The following AP3S2 variants were observed in gnomAD, a reference collection of about 807,000 sequenced individuals.
AP3S2 encodes the protein AP-3 complex subunit sigma-2.
AP3S2 carries 22 observed loss-of-function variants against 23.4 expected under a neutral mutation model. That is an observed-to-expected ratio of 0.94 (90% CI 0.67 to 1.34). The LOEUF (loss-of-function observed/expected upper bound fraction) is 1.34, where lower values mean the gene tolerates loss of function less well. Ranked by LOEUF, AP3S2 falls within the 40% of genes most tolerant of loss-of-function variation. The pLI is 0.00. For synonymous variants in AP3S2, 86 were observed against 87.1 expected, an observed-to-expected ratio of 0.99 and a Z score of 0.07; for missense variants, 241 against 236.9, an observed-to-expected ratio of 1.02 and a Z score of -0.11.
At chr15:89,873,279 C>G (rs192466358) in intron 3 of AP3S2, among the ~76,000 whole-genome samples, 1 of 147,030 alleles carries the variant, frequency 6.8e-6, no homozygotes, top group Non-Finnish European at 1.5e-5. Context: ...GGACCTCTGT[C>G]TGTCTTCTTT....
intron 4 of AP3S2, among the ~76,000 whole-genome samples, chr15:89,870,195 A>G (rs1896285575): frequency 1.3e-5 from 2 of 152,302 alleles, no homozygotes; most frequent in South Asian, 4.1e-4. Flanking sequence ...GCTCTCCTTG[A>G]CAGAAGTTGC....
rs941504484 is a variant in AP3S2 at position 89,832,024 on chromosome 15, G to A, written c.*3491C>T. ...TCAAAGATGCTCACAGAGACAACAG[G>A]AGCAGACAGAGCCTTGTTTCTCTCT... On this transcript the variant is annotated 3_prime_UTR_variant, in exon 6 of 6. Transcript: ENST00000336418. The A allele has an allele frequency of 3.9e-5, 6 of 152,198 alleles. No homozygotes were observed. The East Asian group carries it at 5.8e-4, about 15-fold the overall frequency. 9.4% of individuals were successfully genotyped at this position (152,198 alleles called of 1,614,324 possible).
At chr15:89,835,732 A>G (rs1375034256) in intron 5 of AP3S2, 89 bp from the exon 6 acceptor site, 56 of 1,487,734 alleles carry the variant, frequency 3.8e-5, no homozygotes, top group Non-Finnish European at 5.0e-5. Context: ...AGCAAAAACA[A>G]AAACAAACAA....
At chr15:89,886,239 G>A (rs1307434328) in intron 3 of AP3S2, among the ~76,000 whole-genome samples, 2 of 152,110 alleles carry the variant, frequency 1.3e-5, no homozygotes, top group East Asian at 3.9e-4. Context: ...TACTCGAGAG[G>A]CTGAGTAAGG....
chr15:89,884,230 TTATTA>T (rs1466509543), intron 3 of AP3S2, among the ~76,000 whole-genome samples: 1 of 152,228 alleles, frequency 6.6e-6, no homozygotes, highest in African/African-American at 2.4e-5. Context: ...CTACTAATTT[TTATTA>T]TATTAGTTTT....
At position 89,862,072 on chromosome 15, in the gene AP3S2, G is replaced by A. The variant is rs146519700; in HGVS notation, c.345+9403C>T. Among the ~76,000 whole-genome samples, 821 of 152,266 alleles carry A rather than the reference G, an allele frequency of 5.4e-3. 8 individuals carry two copies. The Middle Eastern group carries it at 0.068, about 13-fold the overall frequency. On this transcript the variant is annotated intron_variant, in intron 4 of 5. Coordinates refer to ENST00000336418, the MANE Select transcript of AP3S2 (RefSeq NM_005829.5). ...CAGGATAGGATGGGCACAAATTGTGGAGAGCCTTGAATGTGTCCGGCCAAG... is the reference window on the plus strand; with the variant it reads ...CAGGATAGGATGGGCACAAATTGTGAAGAGCCTTGAATGTGTCCGGCCAAG...
chr15:89,849,533 A>AT (rs1200190503), intron 4 of AP3S2, among the ~76,000 whole-genome samples: 4 of 151,698 alleles, frequency 2.6e-5, no homozygotes, highest in Non-Finnish European at 4.4e-5. Context: ...CGCCCGGCTA[A>AT]TTTTTTGTAT....
chr15:89,860,060 C>T (rs147537290), intron 4 of AP3S2, among the ~76,000 whole-genome samples: 4 of 152,162 alleles, frequency 2.6e-5, no homozygotes, highest in Middle Eastern at 3.2e-3. Flanking sequence ...CCATCATGAC[C>T]AGCCGATCTC....
intron 3 of AP3S2, among the ~76,000 whole-genome samples, chr15:89,874,140 TTA>T (rs1567184263): frequency 2.2e-5 from 3 of 135,326 alleles, no homozygotes; most frequent in East Asian, 4.5e-4. Context: ...TTTTTTTTTT[TTA>T]AACTGTTTTC....
chr15:89,874,105 T>C (rs1177058270), intron 3 of AP3S2, among the ~76,000 whole-genome samples: 3 of 144,498 alleles, frequency 2.1e-5, no homozygotes, highest in Non-Finnish European at 1.5e-5. Flanking sequence ...GCTTTCTCTG[T>C]AGCTTAAGAA....
intron 4 of AP3S2, chr15:89,850,587 A>G (rs1265761858): frequency 2.0e-5 from 3 of 153,306 alleles, no homozygotes; most frequent in Non-Finnish European, 2.9e-5. Flanking sequence ...TACTGTATTT[A>G]GAATTTTTCA....
At chr15:89,890,412 C>T (rs146173086) in intron 1 of AP3S2, among the ~76,000 whole-genome samples, 1 of 152,170 alleles carries the variant, frequency 6.6e-6, no homozygotes, top group Non-Finnish European at 1.5e-5. Context: ...TTTGATAACT[C>T]ACCTTTGATT....
chr15:89,883,630 C>G (rs904728866), intron 3 of AP3S2, among the ~76,000 whole-genome samples: 23 of 152,088 alleles, frequency 1.5e-4, no homozygotes, highest in Non-Finnish European at 2.8e-4. Context: ...CCTCCTGCCT[C>G]AGGCTCCCAA....
intron 3 of AP3S2, among the ~76,000 whole-genome samples, chr15:89,880,042 G>A (rs1175815675): frequency 6.7e-6 from 1 of 149,004 alleles, no homozygotes; most frequent in African/African-American, 2.5e-5. Flanking sequence ...AGAGTTATTA[G>A]AATGTGATAA....
At chr15:89,892,670 T>TTGTGTG (rs58320096) in intron 1 of AP3S2, among the ~76,000 whole-genome samples, 1 of 151,396 alleles carries the variant, frequency 6.6e-6, no homozygotes, top group Non-Finnish European at 1.5e-5. Flanking sequence ...ATATACTTTT[T>TTGTGTG]TGTGTGTGTG....
chr15:89,866,246 A>C (rs1896115821), intron 4 of AP3S2, among the ~76,000 whole-genome samples: 1 of 132,778 alleles, frequency 7.5e-6, no homozygotes, highest in Non-Finnish European at 1.6e-5. Context: ...TGGGCAACAG[A>C]GCGAGACTCC....
chr15:89,882,263 T>TA (rs1177037626), intron 3 of AP3S2, among the ~76,000 whole-genome samples: 1 of 151,898 alleles, frequency 6.6e-6, no homozygotes. Context: ...TCATATTAAT[T>TA]AAAAAAAGAA....
chr15:89,867,158 G>C (rs1009237666), intron 4 of AP3S2, among the ~76,000 whole-genome samples: 28 of 144,166 alleles, frequency 1.9e-4, no homozygotes, highest in African/African-American at 2.5e-4. Context: ...GAGTGCCTGC[G>C]ATTGCAGGCA....
intron 3 of AP3S2, among the ~76,000 whole-genome samples, chr15:89,876,031 A>G (rs768663433): frequency 6.6e-6 from 1 of 152,240 alleles, no homozygotes; most frequent in Non-Finnish European, 1.5e-5. Flanking sequence ...CTCAAGATAC[A>G]GGTCTCGTGA....
Sources: gnomAD v4.1 joint callset for allele counts (sites outside exome capture counted in the v4.1 genomes callset) on GRCh38, gnomAD v4.1.1 for gene constraint, MANE v1.5 for transcripts, NCBI Gene and HGNC (gene_info 2026-07-23, HGNC 2026-07-21) for gene names.